The following SMAGP variants were observed in gnomAD, a reference collection of about 807,000 sequenced individuals.
SMAGP encodes small cell adhesion glycoprotein.
A neutral mutation model predicts 10.1 loss-of-function variants in SMAGP; 7 were observed. That is an observed-to-expected ratio of 0.70 (90% CI 0.40 to 1.31). The LOEUF (loss-of-function observed/expected upper bound fraction) is 1.31. Ranked by LOEUF, SMAGP falls within the 50% of genes most tolerant of loss-of-function variation. The probability of loss-of-function intolerance (pLI) is 0.01; values close to 1 mark genes in which losing one functional copy is unlikely to be tolerated. For missense variants in SMAGP, 113 were observed against 116.5 expected, an observed-to-expected ratio of 0.97 and a Z score of 0.14; for synonymous variants, 49 against 47.2, an observed-to-expected ratio of 1.04 and a Z score of -0.16.
intron 2 of SMAGP, among the ~76,000 whole-genome samples, chr12:51,263,798 G>A (rs1488637306): frequency 6.6e-6 from 1 of 152,068 alleles, no homozygotes; most frequent in East Asian, 1.9e-4. Flanking sequence ...ACAGTGCCCT[G>A]GGCCCACAAT....
chr12:51,269,194 G>C lies in SMAGP; in HGVS notation c.34+51C>G. ...GGCTTCCAGGACTGGTCTGGGGAAG[G>C]GGATGTTGAACAATTCTTTCTCACT... On this transcript the variant is annotated intron_variant, in intron 2 of 3. Transcript: ENST00000603798. 3.1e-6 allele frequency: 5 copies of C among 1,604,606 alleles called. No homozygotes were observed. In the South Asian group the frequency reaches 4.4e-5, roughly 14 times the overall value.
At chr12:51,267,562 C>T (rs535172145) in intron 2 of SMAGP, among the ~76,000 whole-genome samples, 10 of 146,058 alleles carry the variant, frequency 6.8e-5, no homozygotes, top group Admixed American at 2.1e-4. Flanking sequence ...GGCATGATCT[C>T]GGCTCATTGC....
rs1231012877 is a variant in SMAGP at position 51,268,381 on chromosome 12, C to CT, written c.34+863dup. Among the ~76,000 whole-genome samples, 4 of 152,046 alleles carry CT rather than the reference C, an allele frequency of 2.6e-5. No individual in the cohort carries two copies. The South Asian group carries it at 8.3e-4, about 32-fold the overall frequency. ...TATTTTGTGAATGATGAAACCGGAG[C>CT]TTAGAGGTTAGCAATACTATCTTTA... On this transcript the variant is annotated intron_variant, in intron 2 of 3. Coordinates refer to ENST00000603798, the MANE Select transcript of SMAGP (RefSeq NM_001031628.2).
intron 2 of SMAGP, among the ~76,000 whole-genome samples, chr12:51,256,590 C>T (rs1224142232): frequency 1.3e-5 from 2 of 152,032 alleles, no homozygotes; most frequent in Non-Finnish European, 2.9e-5. Context: ...GGTGGTGGCG[C>T]ATGCCTGTAA....
intron 2 of SMAGP, among the ~76,000 whole-genome samples, chr12:51,261,656 G>A (rs938954986): frequency 5.9e-5 from 9 of 152,132 alleles, no homozygotes; most frequent in Admixed American, 5.2e-4. Context: ...TGAACTAGCT[G>A]AGCATCAGAA....
intron 2 of SMAGP, among the ~76,000 whole-genome samples, chr12:51,265,320 A>C (rs950429687): frequency 6.6e-6 from 1 of 152,210 alleles, no homozygotes; most frequent in Non-Finnish European, 1.5e-5. Flanking sequence ...ATCCTCAAAA[A>C]AATCAAACAC....
chr12:51,246,662 G>C, intron 3 of SMAGP, 89 bp downstream of exon 3: 2 of 844,858 alleles, frequency 2.4e-6, no homozygotes, highest in Non-Finnish European at 3.5e-6. Flanking sequence ...AAGCCAGAGT[G>C]AGCCCATTAA....
At chr12:51,264,166 CA>C (rs1944952935) in intron 2 of SMAGP, among the ~76,000 whole-genome samples, 1 of 152,062 alleles carries the variant, frequency 6.6e-6, no homozygotes, top group African/African-American at 2.4e-5. Context: ...AAATGCAAGA[CA>C]GGGGTAGAAG....
Position 51,252,495 on chromosome 12 carries a change from A to C in SMAGP, c.35-5664T>G, listed in dbSNP as rs186131720. Among the ~76,000 whole-genome samples the C allele has an allele frequency of 7.2e-3, 1,038 of 144,452 alleles. 14 individuals are homozygous for C. The highest frequency in any genetic ancestry group is 0.011 in the Non-Finnish European group (718 of 65,702). The allele number at this position is 144,452 out of a possible 152,430, so 94.8% of individuals were successfully genotyped here. ...CAACCTCCGCCCCCTGGGTTCAAGC[A>C]ATTCTCCTGCCTCAGCCTCCCAAGT... On this transcript the variant is annotated intron_variant, in intron 2 of 3. Transcript: ENST00000603798.
intron 2 of SMAGP, among the ~76,000 whole-genome samples, 169 bp downstream of exon 2, chr12:51,269,076 G>T (rs942706068): frequency 6.6e-6 from 1 of 152,122 alleles, no homozygotes; most frequent in African/African-American, 2.4e-5. Flanking sequence ...GATTAAAACC[G>T]TACTAAGGGG....
At chr12:51,254,555 AG>A (rs1432524350) in intron 2 of SMAGP, among the ~76,000 whole-genome samples, 3 of 151,952 alleles carry the variant, frequency 2.0e-5, no homozygotes, top group Admixed American at 6.6e-5. Flanking sequence ...TAAAAAAAAA[AG>A]TAAAAATAAA....
At chr12:51,248,900 C>CA (rs545881552) in intron 2 of SMAGP, among the ~76,000 whole-genome samples, 16 of 95,620 alleles carry the variant, frequency 1.7e-4, no homozygotes, top group African/African-American at 2.7e-4. Flanking sequence ...AAAAATACCA[C>CA]AAAAAAAAAA....
chr12:51,251,975 T>A (rs1307210479), intron 2 of SMAGP, among the ~76,000 whole-genome samples: 1 of 152,220 alleles, frequency 6.6e-6, no homozygotes. Context: ...GCGATGCAGC[T>A]ATTGGTCAGT....
At chr12:51,262,532 T>G (rs905498053) in intron 2 of SMAGP, among the ~76,000 whole-genome samples, 1 of 152,096 alleles carries the variant, frequency 6.6e-6, no homozygotes, top group African/African-American at 2.4e-5. Context: ...TCAGGAAAGC[T>G]GGCATAAAAG....
At chr12:51,250,355 G>T (rs1944825515) in intron 2 of SMAGP, among the ~76,000 whole-genome samples, 1 of 152,062 alleles carries the variant, frequency 6.6e-6, no homozygotes, top group Admixed American at 6.6e-5. Flanking sequence ...GAATTGTTGG[G>T]CAACAGAGTA....
chr12:51,267,338 G>A (rs1483195550), intron 2 of SMAGP, among the ~76,000 whole-genome samples: 1 of 151,692 alleles, frequency 6.6e-6, no homozygotes, highest in Non-Finnish European at 1.5e-5. Context: ...AGGTACACAC[G>A]AAAAAGGTAT....
rs748721027 is a variant in SMAGP, at chr12:51,258,290, A to T, written c.34+10955T>A. Among the ~76,000 whole-genome samples, 5 of 152,192 alleles carry T rather than the reference A, an allele frequency of 3.3e-5. No individual in the cohort carries two copies. The East Asian group carries it at 9.6e-4, about 29-fold the overall frequency. ...ATAGCATCAGAAAACATACAACAAC[A>T]TTATTTACAGGCCGGGCACAGTGGT... On this transcript the variant is annotated intron_variant, in intron 2 of 3. Coordinates refer to ENST00000603798, the MANE Select transcript of SMAGP (RefSeq NM_001031628.2).
intron 2 of SMAGP, among the ~76,000 whole-genome samples, chr12:51,257,762 C>T (rs936947803): frequency 6.6e-6 from 1 of 152,076 alleles, no homozygotes; most frequent in African/African-American, 2.4e-5. Context: ...CCAGGCTGGT[C>T]TCGAACTCCT....
chr12:51,250,511 GT>G (rs111568799), intron 2 of SMAGP, among the ~76,000 whole-genome samples: 16,091 of 145,192 alleles, frequency 0.11, 1,609 homozygotes, highest in East Asian at 0.29. Flanking sequence ...TTTTTTTTTT[GT>G]TTTTTTTTTG....
Sources: gnomAD v4.1 joint callset for allele counts (sites outside exome capture counted in the v4.1 genomes callset) on GRCh38, gnomAD v4.1.1 for gene constraint, MANE v1.5 for transcripts, NCBI Gene and HGNC (gene_info 2026-07-23, HGNC 2026-07-21) for gene names.